The following NOTCH4 variants were observed in gnomAD, a reference collection of about 807,000 sequenced individuals.
The protein encoded by NOTCH4 is notch receptor 4.
Under a neutral mutation model 189.0 loss-of-function variants are expected in NOTCH4, and 138 were observed. The ratio of observed to expected loss-of-function variants is 0.73; its 90% CI spans 0.64 to 0.84. The LOEUF (loss-of-function observed/expected upper bound fraction) is 0.84. Among genes scored for constraint, NOTCH4 ranks in the 40% least tolerant of loss-of-function variants. The pLI is 0.00. For missense variants in NOTCH4, 2,286 were observed against 2,605.4 expected (o/e 0.88, Z 2.67); for synonymous variants, 942 against 1,032.8 (o/e 0.91, Z 1.69).
Position 32,220,606 on chromosome 6 carries a change from T to C in NOTCH4, c.958A>G (p.Thr320Ala), listed in dbSNP as rs422951. ...TTTCTGCAGTGAGGGGGACCCTGGGTCTCACACTCATCCACATCTTCGGAG... is the reference window on the plus strand; with the variant it reads ...TTTCTGCAGTGAGGGGGACCCTGGGCCTCACACTCATCCACATCTTCGGAG... ...DCSEDVDECE[T>A]QGPPHCRNGG... Residue 320 changes from threonine to alanine, a missense_variant, in exon 6 of 30, where the codon ACC becomes GCC. Physicochemically the swap from Thr to Ala is moderately conservative, Grantham distance 58. Coordinates refer to ENST00000375023, the MANE Select transcript of NOTCH4 (RefSeq NM_004557.4). 0.43 allele frequency: 691,273 copies of C among 1,613,226 alleles called. 152,441 individuals carry two copies. The highest frequency in any genetic ancestry group is 0.45 in the Non-Finnish European group (528,495 of 1,179,598).
chr6:32,195,713 G>T lies in NOTCH4; in HGVS notation c.5736C>A (p.Arg1912=). Residue 1912 remains arginine (R), a synonymous_variant, in exon 30 of 30, where the codon CGC becomes CGA. Transcript: ENST00000375023. The surrounding 1 kb of genome is among the most constrained non-coding windows in gnomAD (Gnocchi z 5.4). ...GCATGCCTGCAGAAAACCTACGGCC[G>T]CGAGGGGTCGGGCCTCCTCCTGCTC... ...GVGAGGGPTP[R]GRRFSAGMRG... 1 of 1,612,882 alleles carries T rather than the reference G, an allele frequency of 6.2e-7. No individual in the cohort carries two copies. The highest frequency in any genetic ancestry group is 8.5e-7 in the Non-Finnish European group (1 of 1,179,928).
Position 32,212,865 on chromosome 6 carries a change from G to C in NOTCH4, c.2485C>G (p.Arg829Gly). 6.4e-7 allele frequency: 1 copy of C among 1,553,688 alleles called. No individual in the cohort carries two copies. The highest frequency in any genetic ancestry group is 8.7e-7 in the Non-Finnish European group (1 of 1,148,194). The change falls in exon 16 of 30, where the codon CGC (arginine) becomes GGC (glycine). Residue 829 changes from arginine to glycine, a missense_variant. By Grantham distance (125) the Arg-to-Gly change is moderately radical. Around this residue, in one of 2 missense-constraint regions of NOTCH4, gnomAD observed 1,903 missense variants for 2,261.9 expected, o/e 0.84. Transcript: ENST00000375023. This position sits in a 1 kb window ranked among gnomAD's most constrained non-coding sequence, Gnocchi z 4.4. Reference sequence around the variant, plus strand: ...GTGTAGCCAGTGGGGCAGAGGCAGCGGGGACCCTGAGGGCTGTCCTGGCAG... The same window carrying C: ...GTGTAGCCAGTGGGGCAGAGGCAGCCGGGACCCTGAGGGCTGTCCTGGCAG... The part of the protein sequence containing the change: ...ATCQDSPQGP[R>G]CLCPTGYTGG...
In NOTCH4 at chr6:32,198,993, G is replaced by A. The variant is rs947409717; in HGVS notation, c.4468C>T (p.Arg1490Trp). ...ALWLPPGFTR[R>W]PRTQSAPHRR... The stretch of plus-strand genomic sequence containing the variant: ...TGGGGAGCTGACTGAGTCCGAGGCC[G>A]TCGAGTGAAACCAGGGGGCAGCCAG... The change falls in exon 24 of 30, where the codon CGG (arginine) becomes TGG (tryptophan). Residue 1490 changes from arginine (R) to tryptophan (W), a missense_variant. Around this residue, in one of 2 missense-constraint regions of NOTCH4, gnomAD observed 1,903 missense variants for 2,261.9 expected, o/e 0.84. Coordinates refer to ENST00000375023, the MANE Select transcript of NOTCH4 (RefSeq NM_004557.4). The surrounding 1 kb of genome is among the most constrained non-coding windows in gnomAD (Gnocchi z 5.5). 1.2e-5 allele frequency: 20 copies of A among 1,611,288 alleles called. No homozygotes were observed. Among genetic ancestry groups the A allele is most frequent in the African/African-American group, 6.7e-5 (5 of 74,928 alleles).
In NOTCH4 at chr6:32,204,225, A is replaced by G. The variant is rs770224300; in HGVS notation, c.3030T>C (p.Cys1010=). ...GLRCEGDVDE[C]LDQPCHPTGT... ...CTGTGGGGTGGCAGGGCTGGTCCAG[A>G]CACTCGTCCACGTCTCCCTCACAGC... Residue 1010 remains cysteine, a synonymous_variant, in exon 19 of 30, where the codon TGT becomes TGC. Transcript: ENST00000375023. 6.2e-7 allele frequency: 1 copy of G among 1,612,988 alleles called. No individual in the cohort carries two copies. Among genetic ancestry groups the G allele is most frequent in the South Asian group, 1.1e-5 (1 of 91,076 alleles).
rs1372775759 is a variant in NOTCH4 at position 32,201,955 on chromosome 6, A to C, written c.3755+121T>G. The C allele has an allele frequency of 1.1e-6, 1 of 916,620 alleles. No individual in the cohort carries two copies. Among genetic ancestry groups the C allele is most frequent in the Non-Finnish European group, 1.5e-6 (1 of 668,704 alleles). The allele number at this position is 916,620 out of a possible 1,614,324, so 56.8% of individuals were successfully genotyped here. ...CGACCCCTGTTTAGTGATGGTTATT[A>C]GGGTGGAAACTCCCTGGAGCCCAAG... On this transcript the variant is annotated intron_variant, in intron 21 of 29. Coordinates refer to ENST00000375023, the MANE Select transcript of NOTCH4 (RefSeq NM_004557.4). The surrounding 1 kb of genome is among the most constrained non-coding windows in gnomAD (Gnocchi z 5.5).
Position 32,214,149 on chromosome 6 carries a change from G to A in NOTCH4, c.2128C>T (p.Pro710Ser). The change falls in exon 13 of 30, where the codon CCC becomes TCC. Residue 710 changes from proline to serine, a missense_variant. By Grantham distance (74) the Pro-to-Ser change is moderately conservative. Around this residue, in one of 2 missense-constraint regions of NOTCH4, gnomAD observed 1,903 missense variants for 2,261.9 expected, o/e 0.84. Transcript: ENST00000375023. ...GGGCAGGTGCAGTTGTAGCCAGAGG[G>A]CTGGGGGTAGCAGGTCCCCCCATGG... ...CAHGGTCYPQ[P>S]SGYNCTCPTG... is the part of the protein sequence containing the mutation. 1.9e-6 allele frequency: 3 copies of A among 1,613,454 alleles called. No individual in the cohort carries two copies. The highest frequency in any genetic ancestry group is 2.5e-6 in the Non-Finnish European group (3 of 1,179,748).
Position 32,221,293 on chromosome 6 carries a change from C to T in NOTCH4, c.484G>A (p.Ala162Thr). 1 of 1,612,876 alleles carries T rather than the reference C, an allele frequency of 6.2e-7. No individual in the cohort carries two copies. Among genetic ancestry groups the T allele is most frequent in the Non-Finnish European group, 8.5e-7 (1 of 1,179,958 alleles). Residue 162 changes from alanine (A) to threonine (T), a missense_variant, in exon 4 of 30, where the codon GCC becomes ACC. Ala to Thr is a moderately conservative substitution (Grantham distance 58). Around this residue, in one of 2 missense-constraint regions of NOTCH4, gnomAD observed 1,903 missense variants for 2,261.9 expected, o/e 0.84. Transcript: ENST00000375023. This position sits in a 1 kb window ranked among gnomAD's most constrained non-coding sequence, Gnocchi z 4.3. ...ACCCCTCCATTAACACATGGGTTGG[C>T]TGAACAGAAGTCCCGAAGCTGGCAC... Reference protein sequence around the residue: ...EQCQLRDFCSANPCVNGGVCL... With the variant: ...EQCQLRDFCSTNPCVNGGVCL...
At chr6:32,220,048 A>G in intron 7 of NOTCH4, 81 bp downstream of exon 7, 1 of 1,476,094 alleles carries the variant, frequency 6.8e-7, no homozygotes. Context: ...TTTTAATTGG[A>G]AAAGCAATCT....
At chr6:32,206,851 A>C (rs1474718086) in intron 18 of NOTCH4, among the ~76,000 whole-genome samples, 1 of 152,112 alleles carries the variant, frequency 6.6e-6, no homozygotes, top group Non-Finnish European at 1.5e-5. Context: ...AAACAGACAC[A>C]TAGACCAATG....
Position 32,213,764 on chromosome 6 carries a change from A to C in NOTCH4, c.2244T>G (p.Pro748=). The C allele has an allele frequency of 6.2e-7, 1 of 1,612,268 alleles. No individual in the cohort carries two copies. Among genetic ancestry groups the C allele is most frequent in the East Asian group, 2.2e-5 (1 of 44,836 alleles). ...GAGGGCAGGTGCAGTAGTAGCCTCCAGGGCTAGGGTTGCAGGAGCCGCCAT... is the reference window on the plus strand; with the variant it reads ...GAGGGCAGGTGCAGTAGTAGCCTCCCGGGCTAGGGTTGCAGGAGCCGCCAT... ...CLNGGSCNPS[P]GGYYCTCPPS... Residue 748 remains proline, a synonymous_variant, in exon 14 of 30, where the codon CCT becomes CCG. Transcript: ENST00000375023.
In NOTCH4 at chr6:32,199,244, G is replaced by A. The variant is rs970480954; in HGVS notation, c.4316-99C>T. 1.6e-5 allele frequency: 14 copies of A among 867,846 alleles called. No individual in the cohort carries two copies. The Admixed American group carries it at 2.0e-4, about 12-fold the overall frequency. 53.8% of individuals were successfully genotyped at this position (867,846 alleles called of 1,614,324 possible). On this transcript the variant is annotated intron_variant, in intron 23 of 29. Transcript: ENST00000375023. This position sits in a 1 kb window ranked among gnomAD's most constrained non-coding sequence, Gnocchi z 4.9. ...AAGTTTAGTAGCCGGTCTTTGCCTC[G>A]GTTTCCTTATCTGCAAAATGGGGAT...
Position 32,196,939 on chromosome 6 carries a change from G to T in NOTCH4, c.5186C>A (p.Ala1729Asp). The change falls in exon 28 of 30, where the codon GCC (alanine) becomes GAC (aspartate). Residue 1729 changes from alanine (A) to aspartate (D), a missense_variant. Ala to Asp is a moderately radical substitution (Grantham distance 126). Coordinates refer to ENST00000375023, the MANE Select transcript of NOTCH4 (RefSeq NM_004557.4). ...ELIAAQADVG[A>D]RDKWGKTALH... ...CCTCTACATACCCCATTTATCTCTG[G>T]CCCCCACGTCTGCTTGGGCTGCAAT... 6.2e-7 allele frequency: 1 copy of T among 1,612,668 alleles called. No individual in the cohort carries two copies. The highest frequency in any genetic ancestry group is 2.2e-5 in the East Asian group (1 of 44,862).
intron 11 of NOTCH4, chr6:32,216,462 C>A (rs911036141): frequency 6.6e-5 from 13 of 195,612 alleles, no homozygotes; most frequent in Non-Finnish European, 1.1e-4. Context: ...TCAGCCATCA[C>A]CTCCTCCATT....
chr6:32,220,541 G>T lies in NOTCH4; in HGVS notation c.1023C>A (p.Cys341Ter), dbSNP rs779016849. 9.3e-6 allele frequency: 15 copies of T among 1,613,606 alleles called. No homozygotes were observed. In the Admixed American group the frequency reaches 2.3e-4, roughly 25 times the overall value. ...TGCCGCCCCAGCCACTCACACACAC[G>T]CAGTGAAAGCTACCAGCAGAGTTCT... The part of the protein sequence containing the change: ...TCQNSAGSFH[C>*]VCVSGWGGTS... The change falls in exon 6 of 30, where the codon TGC (cysteine) becomes TGA (stop). Residue 341 changes from cysteine to a stop codon, truncating the protein, a stop_gained. Transcript: ENST00000375023. LOFTEE classifies it high-confidence loss of function.
At chr6:32,219,895 T>C (rs1789642013) in intron 7 of NOTCH4, 109 bp from the exon 8 acceptor site, 2 of 948,798 alleles carry the variant, frequency 2.1e-6, no homozygotes, top group Non-Finnish European at 3.2e-6. Context: ...CGAGACCAAA[T>C]TGGGGAAGGG....
chr6:32,223,259 C>A (rs1440550969), intron 1 of NOTCH4, among the ~76,000 whole-genome samples, 173 bp from the exon 2 acceptor site: 1 of 152,086 alleles, frequency 6.6e-6, no homozygotes, highest in African/African-American at 2.4e-5. Context: ...GCCCCAGTGC[C>A]CTCCGTCCCA....
At position 32,199,245 on chromosome 6, in the gene NOTCH4, G is replaced by T; in HGVS notation, c.4316-100C>A. 1 of 864,272 alleles carries T rather than the reference G, an allele frequency of 1.2e-6. No individual in the cohort carries two copies. The highest frequency in any genetic ancestry group is 1.7e-6 in the Non-Finnish European group (1 of 576,870). The allele number at this position is 864,272 out of a possible 1,614,324, so 53.5% of individuals were successfully genotyped here. Reference sequence around the variant, plus strand: ...AGTTTAGTAGCCGGTCTTTGCCTCGGTTTCCTTATCTGCAAAATGGGGATG... The same window carrying T: ...AGTTTAGTAGCCGGTCTTTGCCTCGTTTTCCTTATCTGCAAAATGGGGATG... On this transcript the variant is annotated intron_variant, in intron 23 of 29. Transcript: ENST00000375023. The surrounding 1 kb of genome is among the most constrained non-coding windows in gnomAD (Gnocchi z 4.9).
rs773915869 is a variant in NOTCH4 at position 32,202,270 on chromosome 6, G to A, written c.3561C>T (p.Cys1187=). ...CTCCCGGGCCACTGCAGCCAGCATCGCAGGCCCCATCTCCACTTCTGCCCT... is the reference window on the plus strand; with the variant it reads ...CTCCCGGGCCACTGCAGCCAGCATCACAGGCCCCATCTCCACTTCTGCCCT... The part of the protein sequence containing the change: ...GCEGRSGDGA[C]DAGCSGPGGN... The change falls in exon 21 of 30, where the codon TGC becomes TGT. Residue 1187 remains cysteine (C), a synonymous_variant. Coordinates refer to ENST00000375023, the MANE Select transcript of NOTCH4 (RefSeq NM_004557.4). The surrounding 1 kb of genome is among the most constrained non-coding windows in gnomAD (Gnocchi z 5.7). The A allele has an allele frequency of 8.2e-6, 13 of 1,591,712 alleles. No homozygotes were observed. The highest frequency in any genetic ancestry group is 1.7e-4 in the Middle Eastern group (1 of 5,978).
chr6:32,222,495 C>T lies in NOTCH4; in HGVS notation c.451+16G>A, dbSNP rs1334621283. The T allele has an allele frequency of 1.3e-6, 2 of 1,502,418 alleles. No individual in the cohort carries two copies. Among genetic ancestry groups the T allele is most frequent in the Admixed American group, 4.9e-5 (2 of 41,012 alleles). The allele number at this position is 1,502,418 out of a possible 1,614,324, so 93.1% of individuals were successfully genotyped here. On this transcript the variant is annotated intron_variant, in intron 3 of 29. Transcript: ENST00000375023. ...CTCCTGCCTGTCCCCTCCTGGCTGC[C>T]CCCAGCAGCGCTTACCTGTCCATCC...
Sources: allele counts gnomAD v4.1 joint callset (sites outside exome capture counted in the v4.1 genomes callset), GRCh38; gene constraint gnomAD v4.1.1; regional missense constraint gnomAD v4.1.1; non-coding constraint Gnocchi (gnomAD v3.1); transcripts MANE v1.5; gene names NCBI Gene and HGNC (gene_info 2026-07-23, HGNC 2026-07-21).